The following CSMD1 variants were observed in gnomAD, a reference collection of about 807,000 sequenced individuals.
The protein encoded by CSMD1 is CUB and Sushi multiple domains 1, also known as CUB and sushi domain-containing protein 1.
Under a neutral mutation model 417.5 loss-of-function variants are expected in CSMD1, and 213 were observed. The observed-to-expected ratio is 0.51, with a 90% CI of 0.46 to 0.57. CSMD1 has a LOEUF of 0.57. Ranked by LOEUF, CSMD1 falls within the 20% of genes least tolerant of loss-of-function variation. The pLI is 0.00. For missense variants in CSMD1, 6,923 were observed against 4,529.7 expected, an observed-to-expected ratio of 1.53 and a Z score of -15.17; for synonymous variants, 2,862 against 1,736.8, an observed-to-expected ratio of 1.65 and a Z score of -16.11.
chr8:4,020,242 C>T (rs950335064), intron 4 of CSMD1, among the ~76,000 whole-genome samples: 20 of 152,170 alleles, frequency 1.3e-4, no homozygotes, highest in African/African-American at 4.8e-4. Flanking sequence ...ACCAAAGACA[C>T]ACAGTGTCCA....
chr8:3,420,837 G>C (rs1178879915), intron 12 of CSMD1, among the ~76,000 whole-genome samples: 1 of 152,042 alleles, frequency 6.6e-6, no homozygotes, highest in Non-Finnish European at 1.5e-5. Context: ...GATGGTACTT[G>C]TTCACGCTCC....
rs74489116 is a variant in CSMD1, at chr8:4,285,513, G to A, written c.415+134440C>T. On this transcript the variant is annotated intron_variant, in intron 3 of 69. Coordinates refer to ENST00000635120, the MANE Select transcript of CSMD1 (RefSeq NM_033225.6). The stretch of plus-strand genomic sequence containing the variant: ...TCCAAATATAAAGAGGATGAAGACA[G>A]ATCTCTTGTTTTCGGATATCAGGGC... Among the ~76,000 whole-genome samples the A allele has an allele frequency of 5.3e-5, 8 of 152,318 alleles. No homozygotes were observed. The East Asian group carries it at 5.8e-4, about 11-fold the overall frequency.
chr8:3,787,741 C>T (rs1333630731), intron 5 of CSMD1, among the ~76,000 whole-genome samples: 1 of 152,144 alleles, frequency 6.6e-6, no homozygotes, highest in South Asian at 2.1e-4. Flanking sequence ...AACATAGACC[C>T]TGTATGGGGA....
intron 26 of CSMD1, among the ~76,000 whole-genome samples, chr8:3,277,685 T>C (rs1042576147): frequency 4.1e-4 from 62 of 152,218 alleles, no homozygotes; most frequent in African/African-American, 1.4e-3. Context: ...AGGTGTTGAG[T>C]TGCCTCTCTG....
intron 33 of CSMD1, among the ~76,000 whole-genome samples, chr8:3,193,692 T>G (rs1347185906): frequency 1.3e-5 from 2 of 152,030 alleles, no homozygotes; most frequent in East Asian, 3.9e-4. Flanking sequence ...GAATAGAGGG[T>G]GATCAACAAA....
chr8:4,438,440 C>T (rs1046212071), intron 2 of CSMD1, among the ~76,000 whole-genome samples: 1 of 152,160 alleles, frequency 6.6e-6, no homozygotes, highest in Non-Finnish European at 1.5e-5. Context: ...CCACATGACG[C>T]TGAATGTTAA....
intron 3 of CSMD1, among the ~76,000 whole-genome samples, chr8:4,242,982 G>C (rs556302376): frequency 2.6e-5 from 4 of 152,250 alleles, no homozygotes; most frequent in South Asian, 4.1e-4. Flanking sequence ...TTTATGTGTA[G>C]TGAAGGCACT....
At chr8:4,395,307 C>G (rs558572177) in intron 3 of CSMD1, among the ~76,000 whole-genome samples, 2 of 152,332 alleles carry the variant, frequency 1.3e-5, no homozygotes, top group African/African-American at 4.8e-5. Context: ...TTCTTCATAA[C>G]TTCAGCCCCT....
chr8:3,973,725 G>C (rs966455214), intron 5 of CSMD1, among the ~76,000 whole-genome samples: 14 of 152,218 alleles, frequency 9.2e-5, no homozygotes, highest in Admixed American at 2.6e-4. Flanking sequence ...TGCAAGAACA[G>C]TGGCTATTTC....
At chr8:4,788,446 T>A in intron 1 of CSMD1, 1 of 1,324,212 alleles carries the variant, frequency 7.6e-7, no homozygotes, top group African/African-American at 1.5e-5. Flanking sequence ...CCACACTTTC[T>A]CCAGAAGGAT....
intron 5 of CSMD1, among the ~76,000 whole-genome samples, chr8:3,971,817 C>G (rs759396731): frequency 2.6e-5 from 4 of 152,166 alleles, no homozygotes; most frequent in African/African-American, 4.8e-5. Context: ...CTTTCTCTGT[C>G]TGTTGCATGA....
At chr8:4,341,341 T>G (rs767985896) in intron 3 of CSMD1, among the ~76,000 whole-genome samples, 83 of 152,140 alleles carry the variant, frequency 5.5e-4, no homozygotes, top group Non-Finnish European at 9.4e-4. Flanking sequence ...GTTTTTCACA[T>G]TGAATTCTGA....
At chr8:4,551,289 G>A (rs553921659) in intron 2 of CSMD1, among the ~76,000 whole-genome samples, 1 of 152,064 alleles carries the variant, frequency 6.6e-6, no homozygotes, top group South Asian at 2.1e-4. Flanking sequence ...ACTCAAGGCT[G>A]TATGTGAAAC....
At chr8:3,767,016 C>T (rs952046129) in intron 5 of CSMD1, among the ~76,000 whole-genome samples, 2 of 152,192 alleles carry the variant, frequency 1.3e-5, no homozygotes, top group Non-Finnish European at 2.9e-5. Context: ...CATCTGAGAT[C>T]ATATGAGCTC....
intron 2 of CSMD1, among the ~76,000 whole-genome samples, chr8:4,463,783 G>A (rs1181918890): frequency 6.6e-6 from 1 of 152,056 alleles, no homozygotes; most frequent in Non-Finnish European, 1.5e-5. Flanking sequence ...ATGGATACTG[G>A]GTTTTTTGCA....
chr8:3,380,208 AG>A (rs1466745137), intron 18 of CSMD1, among the ~76,000 whole-genome samples: 1 of 152,218 alleles, frequency 6.6e-6, no homozygotes, highest in Admixed American at 6.5e-5. Context: ...CACAACCGTT[AG>A]AAAGGGGATC....
chr8:3,551,537 T>C (rs1798910739), intron 10 of CSMD1, among the ~76,000 whole-genome samples: 1 of 150,976 alleles, frequency 6.6e-6, no homozygotes, highest in Non-Finnish European at 1.5e-5. Context: ...TGCTTCTATA[T>C]TGGTAAAGCT....
rs113075910 is a variant in CSMD1 at position 4,735,482 on chromosome 8, T to C, written c.86-97924A>G. On this transcript the variant is annotated intron_variant, in intron 1 of 69. Transcript: ENST00000635120. ...AGGACGACAGATTTCCTTTCAAACATTGAACTTTATGCAACATTTTAATGC... is the reference window on the plus strand; with the variant it reads ...AGGACGACAGATTTCCTTTCAAACACTGAACTTTATGCAACATTTTAATGC... Among the ~76,000 whole-genome samples, 679 of 152,292 alleles carry C rather than the reference T, an allele frequency of 4.5e-3. 3 individuals carry two copies. The highest frequency in any genetic ancestry group is 6.9e-3 in the Non-Finnish European group (467 of 68,014).
intron 5 of CSMD1, among the ~76,000 whole-genome samples, chr8:3,870,697 GATTT>G (rs1338394617): frequency 6.6e-6 from 1 of 152,046 alleles, no homozygotes; most frequent in East Asian, 1.9e-4. Context: ...AGTATTATCT[GATTT>G]ATATTCATTT....
Sources: allele counts gnomAD v4.1 joint callset (sites outside exome capture counted in the v4.1 genomes callset), GRCh38; gene constraint gnomAD v4.1.1; transcripts MANE v1.5; gene names NCBI Gene and HGNC (gene_info 2026-07-23, HGNC 2026-07-21).